Variants in CCDC146 observed in about 807,000 individuals in gnomAD.
CCDC146 encodes the protein coiled-coil domain-containing protein 146.
In CCDC146, 92 loss-of-function variants were observed where a neutral mutation model predicts 119.3. The ratio of observed to expected loss-of-function variants is 0.77; its 90% CI spans 0.65 to 0.92. The LOEUF (loss-of-function observed/expected upper bound fraction) is 0.92, where lower values mean the gene tolerates loss of function less well. Ranked by LOEUF, CCDC146 falls within the 40% of genes least tolerant of loss-of-function variation. The pLI is 0.00. For missense variants in CCDC146, 1,000 were observed against 1,103.0 expected (o/e 0.91, Z 1.32); for synonymous variants, 372 against 371.8 (o/e 1.00, Z -0.01).
intron 2 of CCDC146, among the ~76,000 whole-genome samples, chr7:77,184,974 T>C (rs1031128085): frequency 6.6e-6 from 1 of 152,166 alleles, no homozygotes; most frequent in Non-Finnish European, 1.5e-5. Context: ...AGGTTTACTA[T>C]GTGTATCTGT....
Position 77,132,553 on chromosome 7 carries a change from C to CAAA in CCDC146, c.-12+9837_-12+9839dup, listed in dbSNP as rs58502705. On this transcript the variant is annotated intron_variant, in intron 1 of 18. Transcript: ENST00000285871. The stretch of plus-strand genomic sequence containing the variant: ...GCAACATAGTGAGTCTCGATCTCTA[C>CAAA]AAAAAAAAAAAAAAAAAAGAAAGAA... Among the ~76,000 whole-genome samples, 60 of 107,092 alleles carry CAAA rather than the reference C, an allele frequency of 5.6e-4. 1 individual carries two copies. Among genetic ancestry groups the CAAA allele is most frequent in the African/African-American group, 1.8e-3 (47 of 26,150 alleles). The allele number at this position is 107,092 out of a possible 152,430, so 70.3% of individuals were successfully genotyped here. A position where few individuals can be genotyped will look rare whatever the true frequency, so the allele number is the denominator to read the frequency against.
chr7:77,273,579 G>A (rs1793567669), intron 9 of CCDC146, 115 bp from the exon 10 acceptor site: 1 of 553,000 alleles, frequency 1.8e-6, no homozygotes, highest in Middle Eastern at 3.7e-4. Flanking sequence ...GGAGTGCAGT[G>A]GCACGATCTC....
chr7:77,292,153 CTA>C (rs1287333100), intron 17 of CCDC146, among the ~76,000 whole-genome samples: 3 of 151,948 alleles, frequency 2.0e-5, no homozygotes, highest in Non-Finnish European at 4.4e-5. Context: ...AATTAGCCAA[CTA>C]TGGTGGTGCA....
chr7:77,275,065 ACT>A (rs987651999), intron 11 of CCDC146, among the ~76,000 whole-genome samples: 16 of 36,034 alleles, frequency 4.4e-4, no homozygotes, highest in Non-Finnish European at 5.8e-4. Context: ...CTGGAAGGAA[ACT>A]CAAAAAAAAA....
intron 2 of CCDC146, among the ~76,000 whole-genome samples, chr7:77,217,675 G>A (rs113330828): frequency 0.015 from 2,266 of 151,934 alleles, 55 homozygotes; most frequent in African/African-American, 0.051. Context: ...TAATCATTGC[G>A]CAAACATCAT....
chr7:77,271,397 C>T (rs1793510580), intron 9 of CCDC146, among the ~76,000 whole-genome samples: 2 of 150,984 alleles, frequency 1.3e-5, no homozygotes, highest in South Asian at 2.1e-4. Flanking sequence ...GACTGGCTTT[C>T]CTTCCTCCTC....
chr7:77,274,112 C>A (rs781092846), intron 10 of CCDC146, among the ~76,000 whole-genome samples: 3 of 152,188 alleles, frequency 2.0e-5, no homozygotes, highest in Non-Finnish European at 4.4e-5. Flanking sequence ...TATGTGTCTT[C>A]TTTTTCTTAG....
In CCDC146 at chr7:77,212,255, T is replaced by C. The variant is rs1792198651; in HGVS notation, c.157-24692T>C. The stretch of plus-strand genomic sequence containing the variant: ...TATTTAATAATAAGTTCAATACATA[T>C]TGAAGAAAAATATATAGCTTTCCTA... On this transcript the variant is annotated intron_variant, in intron 2 of 18. Coordinates refer to ENST00000285871, the MANE Select transcript of CCDC146 (RefSeq NM_020879.3). Among the ~76,000 whole-genome samples, 4 of 152,108 alleles carry C rather than the reference T, an allele frequency of 2.6e-5. No individual in the cohort carries two copies. In the South Asian group the frequency reaches 8.3e-4, roughly 31 times the overall value.
At chr7:77,283,179 C>T (rs12154491) in intron 15 of CCDC146, among the ~76,000 whole-genome samples, 42,035 of 151,858 alleles carry the variant, frequency 0.28, 6,113 homozygotes, top group South Asian at 0.33. Flanking sequence ...CTCTGGCCCC[C>T]AGAGCAAGAG....
intron 9 of CCDC146, among the ~76,000 whole-genome samples, chr7:77,265,916 G>A (rs1793393810): frequency 6.6e-6 from 1 of 152,194 alleles, no homozygotes; most frequent in Non-Finnish European, 1.5e-5. Context: ...GCTGGGGTTA[G>A]TCAAAACCAT....
intron 2 of CCDC146, among the ~76,000 whole-genome samples, chr7:77,225,645 A>G (rs1245174772): frequency 2.0e-5 from 3 of 151,960 alleles, no homozygotes; most frequent in African/African-American, 7.2e-5. Flanking sequence ...GCTAGCCAGT[A>G]AAAAAGAAGA....
chr7:77,181,894 T>C (rs1791595373), intron 2 of CCDC146, among the ~76,000 whole-genome samples: 1 of 152,204 alleles, frequency 6.6e-6, no homozygotes, highest in African/African-American at 2.4e-5. Context: ...GTCTCCTGTG[T>C]TTTTTCCTAG....
intron 1 of CCDC146, among the ~76,000 whole-genome samples, chr7:77,135,530 A>G (rs1411490636): frequency 1.3e-5 from 2 of 152,202 alleles, no homozygotes; most frequent in African/African-American, 4.8e-5. Context: ...AAAAGAGAAA[A>G]AAGAAAGTTG....
At chr7:77,216,342 A>G (rs948012289) in intron 2 of CCDC146, among the ~76,000 whole-genome samples, 2 of 152,162 alleles carry the variant, frequency 1.3e-5, no homozygotes, top group South Asian at 2.1e-4. Flanking sequence ...TGGACTACCT[A>G]AAGTTTTCTA....
chr7:77,159,826 G>A, intron 1 of CCDC146, among the ~76,000 whole-genome samples: 1 of 152,164 alleles, frequency 6.6e-6, no homozygotes, highest in Non-Finnish European at 1.5e-5. Flanking sequence ...TGGTGTTTTA[G>A]ACATGAAGTC....
chr7:77,170,944 G>T (rs1057310480), intron 2 of CCDC146, among the ~76,000 whole-genome samples: 1 of 152,128 alleles, frequency 6.6e-6, no homozygotes, highest in Non-Finnish European at 1.5e-5. Context: ...TGGAGAAAAA[G>T]AAATGCTTAT....
At chr7:77,241,542 C>CA (rs1262681517) in intron 3 of CCDC146, 149 bp from the exon 4 acceptor site, 3 of 664,018 alleles carry the variant, frequency 4.5e-6, no homozygotes, top group Non-Finnish European at 5.3e-6. Context: ...GACTCACGGA[C>CA]ATGAAGGGTC....
In CCDC146 at chr7:77,294,779, T is replaced by C. The variant is rs1794015346; in HGVS notation, c.2781T>C (p.Tyr927=). ...ADATLPLPKP[Y]GALAPFKPSE... ...CCACTCTTCCTTTGCCAAAACCTTATGGTGCTTTGGCTCCTTTTAAACCCA... is the reference window on the plus strand; with the variant it reads ...CCACTCTTCCTTTGCCAAAACCTTACGGTGCTTTGGCTCCTTTTAAACCCA... The change falls in exon 19 of 19, where the codon TAT becomes TAC. Residue 927 remains tyrosine, a synonymous_variant. Transcript: ENST00000285871. The C allele has an allele frequency of 2.5e-6, 4 of 1,614,178 alleles. No homozygotes were observed. The highest frequency in any genetic ancestry group is 4.5e-5 in the East Asian group (2 of 44,888).
rs1464189960 is a variant in CCDC146 at position 77,128,325 on chromosome 7, C to T, written c.-12+5593C>T. Reference sequence around the variant, plus strand: ...TTTTGGATTTGCTTCAGTCAGAACTCGACCAATTTCCATGGTCATGGGCCA... The same window carrying T: ...TTTTGGATTTGCTTCAGTCAGAACTTGACCAATTTCCATGGTCATGGGCCA... On this transcript the variant is annotated intron_variant, in intron 1 of 18. Transcript: ENST00000285871. Among the ~76,000 whole-genome samples, 10 of 151,964 alleles carry T rather than the reference C, an allele frequency of 6.6e-5. No homozygotes were observed. The South Asian group carries it at 1.9e-3, about 28-fold the overall frequency.
Sources: gnomAD v4.1 joint callset for allele counts (sites outside exome capture counted in the v4.1 genomes callset) on GRCh38, gnomAD v4.1.1 for gene constraint, MANE v1.5 for transcripts, NCBI Gene and HGNC (gene_info 2026-07-23, HGNC 2026-07-21) for gene names.